Variants in STC2 observed in about 807,000 individuals in gnomAD.
The protein encoded by STC2 is stanniocalcin-2.
Under a neutral mutation model 22.7 loss-of-function variants are expected in STC2, and 7 were observed. The observed-to-expected ratio is 0.31, with a 90% confidence interval of 0.18 to 0.58. The LOEUF is 0.58. Ranked by LOEUF, STC2 falls within the 20% of genes least tolerant of loss-of-function variation. STC2 has a pLI of 0.89. For synonymous variants in STC2, 158 were observed against 163.4 expected, an observed-to-expected ratio of 0.97 and a Z score of 0.25; for missense variants, 336 against 406.2, an observed-to-expected ratio of 0.83 and a Z score of 1.48.
At position 173,323,014 on chromosome 5, in the gene STC2, A is replaced by G; in HGVS notation, c.506+205T>C. On this transcript the variant is annotated intron_variant, in intron 3 of 3. Transcript: ENST00000265087. This position sits in a 1 kb window ranked among gnomAD's most constrained non-coding sequence, Gnocchi z 5.4. ...CATTTCTGTTGCTTGTGATTTTGAG[A>G]CTGATGAGGGAATTCTCTCTTTTCC... The G allele has an allele frequency of 3.4e-6, 2 of 591,548 alleles. No individual in the cohort carries two copies. The highest frequency in any genetic ancestry group is 1.9e-5 in the African/African-American group (1 of 53,778). 36.6% of individuals were successfully genotyped at this position (591,548 alleles called of 1,614,324 possible).
Position 173,327,936 on chromosome 5 carries a change from T to C in STC2, c.151+107A>G, listed in dbSNP as rs868422620. On this transcript the variant is annotated intron_variant, in intron 1 of 3. Transcript: ENST00000265087. The stretch of plus-strand genomic sequence containing the variant: ...TCCCGTGCCATCCCAAGAGTTTGCG[T>C]GGCCCTGGGTGGGCGCCTGGCTCCC... 9 of 1,344,404 alleles carry C rather than the reference T, an allele frequency of 6.7e-6. No homozygotes were observed. In the African/African-American group the frequency reaches 1.1e-4, roughly 16 times the overall value. 83.3% of individuals were successfully genotyped at this position (1,344,404 alleles called of 1,614,324 possible). A position where few individuals can be genotyped will look rare whatever the true frequency, so the allele number is the denominator to read the frequency against.
intron 3 of STC2, among the ~76,000 whole-genome samples, chr5:173,319,338 G>A (rs894721539): frequency 6.6e-6 from 1 of 152,230 alleles, no homozygotes; most frequent in Non-Finnish European, 1.5e-5. Flanking sequence ...ACCCCCCAAG[G>A]GGGGTATAGA....
At chr5:173,318,334 G>A in intron 3 of STC2, 85 bp from the exon 4 acceptor site, 2 of 1,290,018 alleles carry the variant, frequency 1.6e-6, no homozygotes, top group Non-Finnish European at 2.0e-6. Flanking sequence ...ATGGACCACA[G>A]AGGGCAGGGG....
In STC2 at chr5:173,323,410, G is replaced by A. The variant is rs767763156; in HGVS notation, c.315C>T (p.Asp105=). 8.1e-6 allele frequency: 13 copies of A among 1,612,402 alleles called. No individual in the cohort carries two copies. Among genetic ancestry groups the A allele is most frequent in the Non-Finnish European group, 9.3e-6 (11 of 1,179,288 alleles). Residue 105 remains aspartate, a synonymous_variant, in exon 3 of 4, where the codon GAC becomes GAT. Coordinates refer to ENST00000265087, the MANE Select transcript of STC2 (RefSeq NM_003714.3). This position sits in a 1 kb window ranked among gnomAD's most constrained non-coding sequence, Gnocchi z 5.4. ...GAGCGTGGGCCTTACATTTCAAGGC[G>A]TCTTTGATGAATGACTTGCCCTGAG... ...FDAQGKSFIK[D]ALKCKAHALR...
chr5:173,321,627 A>T (rs1762486562), intron 3 of STC2, among the ~76,000 whole-genome samples: 1 of 152,234 alleles, frequency 6.6e-6, no homozygotes, highest in Non-Finnish European at 1.5e-5. Flanking sequence ...GGCTTCAGTC[A>T]TGTATACCAG....
rs140848272 is a variant in STC2, at chr5:173,317,009, T to C, written c.*838A>G. 115 of 151,940 alleles carry C rather than the reference T, an allele frequency of 7.6e-4. No homozygotes were observed. Among genetic ancestry groups the C allele is most frequent in the African/African-American group, 2.6e-3 (109 of 41,258 alleles). 9.4% of individuals were successfully genotyped at this position (151,940 alleles called of 1,614,324 possible). A position where few individuals can be genotyped will look rare whatever the true frequency, so the allele number is the denominator to read the frequency against. On this transcript the variant is annotated 3_prime_UTR_variant, in exon 4 of 4. Coordinates refer to ENST00000265087, the MANE Select transcript of STC2 (RefSeq NM_003714.3). Reference sequence around the variant, plus strand: ...AAAAAGAAAAATCAGCCTCAAAGGATGGGCTGGTTTTTTTTTTTTAAACCC... The same window carrying C: ...AAAAAGAAAAATCAGCCTCAAAGGACGGGCTGGTTTTTTTTTTTTAAACCC...
At position 173,317,880 on chromosome 5, in the gene STC2, G is replaced by T; in HGVS notation, c.876C>A (p.Asp292Glu). 4 of 1,599,002 alleles carry T rather than the reference G, an allele frequency of 2.5e-6. No homozygotes were observed. Among genetic ancestry groups the T allele is most frequent in the Non-Finnish European group, 3.4e-6 (4 of 1,170,252 alleles). The change falls in exon 4 of 4, where the codon GAC becomes GAA. Residue 292 changes from aspartate (D) to glutamate (E), a missense_variant. Physicochemically the swap from Asp to Glu is conservative, Grantham distance 45. Transcript: ENST00000265087. ...QGPSGSSEWEDEQSEYSDIRR is the reference protein window; with the variant it reads ...QGPSGSSEWEEEQSEYSDIRR The stretch of plus-strand genomic sequence containing the variant: ...GGATATCAGAATACTCAGACTGTTC[G>T]TCTTCCCACTCGCTGCTTCCGGAAG...
chr5:173,324,971 C>A (rs1762529314), intron 2 of STC2, among the ~76,000 whole-genome samples: 1 of 152,220 alleles, frequency 6.6e-6, no homozygotes, highest in African/African-American at 2.4e-5. Flanking sequence ...GCCTCCCCTC[C>A]TTGTTCCCAG....
In STC2 at chr5:173,323,157, T is replaced by C. The variant is rs911726824; in HGVS notation, c.506+62A>G. The C allele has an allele frequency of 1.8e-5, 28 of 1,550,290 alleles. 1 individual carries two copies. The highest frequency in any genetic ancestry group is 5.6e-5 in the South Asian group (5 of 88,992). Reference sequence around the variant, plus strand: ...TAGAAGCAACGCGGCTCTCCTCCCATACACATTGCCATCCTTGCTGGGTGG... The same window carrying C: ...TAGAAGCAACGCGGCTCTCCTCCCACACACATTGCCATCCTTGCTGGGTGG... On this transcript the variant is annotated intron_variant, in intron 3 of 3. Coordinates refer to ENST00000265087, the MANE Select transcript of STC2 (RefSeq NM_003714.3). The surrounding 1 kb of genome is among the most constrained non-coding windows in gnomAD (Gnocchi z 5.4).
At chr5:173,318,450 A>G (rs1158066135) in intron 3 of STC2, among the ~76,000 whole-genome samples, 1 of 152,154 alleles carries the variant, frequency 6.6e-6, no homozygotes, top group African/African-American at 2.4e-5. Flanking sequence ...ACTGGCCTCA[A>G]CCAACACTTA....
At chr5:173,321,684 C>G (rs1762487904) in intron 3 of STC2, among the ~76,000 whole-genome samples, 1 of 152,162 alleles carries the variant, frequency 6.6e-6, no homozygotes, top group South Asian at 2.1e-4. Flanking sequence ...TCCGAGTTCT[C>G]TAATCTCTTA....
Position 173,315,788 on chromosome 5 carries a change from C to T in STC2, c.*2059G>A, listed in dbSNP as rs891055424. On this transcript the variant is annotated 3_prime_UTR_variant, in exon 4 of 4. Transcript: ENST00000265087. ...AGCCTGACACACAGGTCCTCCTCCC[C>T]CCAAGGGCAGAGCTGGATTAAGTGC... The T allele has an allele frequency of 2.6e-5, 4 of 152,272 alleles. No individual in the cohort carries two copies. Among genetic ancestry groups the T allele is most frequent in the Admixed American group, 1.3e-4 (2 of 15,284 alleles). 9.4% of individuals were successfully genotyped at this position (152,272 alleles called of 1,614,324 possible). A position where few individuals can be genotyped will look rare whatever the true frequency, so the allele number is the denominator to read the frequency against.
intron 3 of STC2, among the ~76,000 whole-genome samples, chr5:173,320,649 G>A (rs922256452): frequency 6.6e-6 from 1 of 151,736 alleles, no homozygotes; most frequent in African/African-American, 2.4e-5. Context: ...GCAGGAAGGG[G>A]TGAGGGGAGC....
At chr5:173,326,348 C>T (rs1005805621) in intron 1 of STC2, among the ~76,000 whole-genome samples, 2 of 152,068 alleles carry the variant, frequency 1.3e-5, no homozygotes, top group African/African-American at 2.4e-5. Flanking sequence ...AATATATTTC[C>T]GCTTTTTAAA....
chr5:173,318,390 G>A, intron 3 of STC2, 141 bp from the exon 4 acceptor site: 1 of 885,938 alleles, frequency 1.1e-6, no homozygotes, highest in Non-Finnish European at 1.5e-6. Flanking sequence ...TGGGTTCGGT[G>A]GAAGATCTCT....
At position 173,328,190 on chromosome 5, in the gene STC2, A is replaced by C. The variant is rs778989259; in HGVS notation, c.4T>G (p.Cys2Gly). 2 of 1,522,902 alleles carry C rather than the reference A, an allele frequency of 1.3e-6. No individual in the cohort carries two copies. Among genetic ancestry groups the C allele is most frequent in the South Asian group, 1.3e-5 (1 of 76,906 alleles). 94.3% of individuals were successfully genotyped at this position (1,522,902 alleles called of 1,614,324 possible). A position where few individuals can be genotyped will look rare whatever the true frequency, so the allele number is the denominator to read the frequency against. Residue 2 changes from cysteine (C) to glycine (G), a missense_variant, in exon 1 of 4, where the codon TGT (cysteine) becomes GGT (glycine). By Grantham distance (159) the Cys-to-Gly change is radical. This residue lies in a region of STC2 where 99 missense variants were observed against 122.7 expected (regional missense o/e 0.81). Coordinates refer to ENST00000265087, the MANE Select transcript of STC2 (RefSeq NM_003714.3). MCAERLGQFMTL... is the reference protein window; with the variant it reads MGAERLGQFMTL... ...ATGAACTGGCCCAGCCGCTCGGCAC[A>C]CATGGTTCTTGGTATTAACCTCCCG...
Position 173,321,116 on chromosome 5 carries a change from TG to T in STC2, c.506+2102del, listed in dbSNP as rs1435287919. 2.0e-5 allele frequency among the ~76,000 whole-genome samples: 3 copies of T among 149,020 alleles called. No homozygotes were observed. In the East Asian group the frequency reaches 6.0e-4, roughly 30 times the overall value. On this transcript the variant is annotated intron_variant, in intron 3 of 3. Coordinates refer to ENST00000265087, the MANE Select transcript of STC2 (RefSeq NM_003714.3). Reference sequence around the variant, plus strand: ...CCTGCATTTCCAGAGCAGGCTGGGGTGGGGGGTCATAGGCTCATTCTGAATG... The same window carrying T: ...CCTGCATTTCCAGAGCAGGCTGGGGTGGGGGTCATAGGCTCATTCTGAATG...
rs778470092 is a variant in STC2, at chr5:173,323,262, C to G, written c.463G>C (p.Val155Leu). 3.2e-5 allele frequency: 51 copies of G among 1,614,108 alleles called. No individual in the cohort carries two copies. The highest frequency in any genetic ancestry group is 3.6e-5 in the Non-Finnish European group (43 of 1,180,050). Residue 155 changes from valine (V) to leucine (L), a missense_variant, in exon 3 of 4, where the codon GTG becomes CTG. By Grantham distance (32) the Val-to-Leu change is conservative (BLOSUM62 1). Around this residue, in one of 3 missense-constraint regions of STC2, gnomAD observed 215 missense variants for 231.5 expected, o/e 0.93. Coordinates refer to ENST00000265087, the MANE Select transcript of STC2 (RefSeq NM_003714.3). The surrounding 1 kb of genome is among the most constrained non-coding windows in gnomAD (Gnocchi z 5.4). ...LCAAAQENTRVIVEMIHFKDL... is the reference protein window; with the variant it reads ...LCAAAQENTRLIVEMIHFKDL... ...TTGAAATGGATCATCTCCACTATCA[C>G]CCGGGTGTTCTCCTGGGCAGCCGCG... is the stretch of plus-strand genomic sequence containing the variant.
intron 3 of STC2, 73 bp from the exon 4 acceptor site, chr5:173,318,322 G>A (rs1020525623): frequency 2.1e-5 from 28 of 1,335,256 alleles, no homozygotes; most frequent in African/African-American, 1.6e-4. Context: ...AGCAAGTCCC[G>A]AATGGACCAC....
Sources: allele counts gnomAD v4.1 joint callset (sites outside exome capture counted in the v4.1 genomes callset), GRCh38; gene constraint gnomAD v4.1.1; regional missense constraint gnomAD v4.1.1; non-coding constraint Gnocchi (gnomAD v3.1); transcripts MANE v1.5; gene names NCBI Gene and HGNC (gene_info 2026-07-23, HGNC 2026-07-21).